Variants in ZNF75D observed in about 807,000 individuals in gnomAD.
ZNF75D encodes the protein zinc finger protein 75D, also known as zinc finger protein 75.
Under a neutral mutation model 33.3 loss-of-function variants are expected in ZNF75D, and 33 were observed. That is an observed-to-expected ratio of 0.99 (90% CI 0.75 to 1.32). ZNF75D has a LOEUF of 1.32. ZNF75D is among the 40% of genes most tolerant of loss of function. ZNF75D has a pLI of 0.00. For missense variants in ZNF75D, 338 were observed against 367.5 expected, an observed-to-expected ratio of 0.92 and a Z score of 0.66; for synonymous variants, 113 against 130.6, an observed-to-expected ratio of 0.87 and a Z score of 0.92.
chrX:135,317,357 C>T (rs2148486039), intron 1 of ZNF75D, among the ~76,000 whole-genome samples: 2 of 111,932 alleles, frequency 1.8e-5, no homozygotes, highest in East Asian at 5.6e-4. Flanking sequence ...CCACTGGTGG[C>T]AGCAGTGGGC....
chrX:135,315,775 G>A (rs782385019), intron 1 of ZNF75D, among the ~76,000 whole-genome samples: 5 of 109,964 alleles, frequency 4.5e-5, no homozygotes, highest in Non-Finnish European at 9.5e-5. Flanking sequence ...TTCCATTAGT[G>A]TGGAATATAC....
chrX:135,253,705 G>C (rs1421844489), intron 2 of ZNF75D: 1 of 236,281 alleles, frequency 4.2e-6, no homozygotes, highest in Non-Finnish European at 7.5e-6. Flanking sequence ...TTAGACCCAG[G>C]GGAGAGGGTG....
intron 1 of ZNF75D, among the ~76,000 whole-genome samples, chrX:135,270,633 C>A (rs191079317): frequency 1.8e-5 from 2 of 108,940 alleles, no homozygotes; most frequent in East Asian, 5.8e-4. Flanking sequence ...TGGAATATTA[C>A]AGCTGGACAT....
chrX:135,263,921 C>T (rs1352633680), intron 1 of ZNF75D, among the ~76,000 whole-genome samples: 2 of 111,959 alleles, frequency 1.8e-5, no homozygotes, highest in African/African-American at 3.2e-5. Context: ...AGCTGCAGAC[C>T]GAAGCTGTTC....
rs782072263 is a variant in ZNF75D at position 135,336,041 on chromosome X, T to C, written c.-391+5727A>G. ...ACTGTGGTTGCTGTCTGAATATTCC[T>C]GTCCCCACATAATTCATATGTTGGA... On this transcript the variant is annotated intron_variant, in intron 1 of 6. Transcript: ENST00000370766. Among the ~76,000 whole-genome samples, 7 of 112,532 alleles carry C rather than the reference T, an allele frequency of 6.2e-5. 1 individual carries two copies. In the South Asian group the frequency reaches 2.6e-3, roughly 42 times the overall value.
At chrX:135,294,321 C>T (rs140860292) in intron 2 of ZNF75D, 63 bp from the exon 3 acceptor site, 14 of 343,944 alleles carry the variant, frequency 4.1e-5, no homozygotes, top group African/African-American at 3.4e-4. Context: ...TATTTACTTG[C>T]TATTTATTGT....
chrX:135,318,945 CA>C (rs2084461102), intron 1 of ZNF75D, among the ~76,000 whole-genome samples: 1 of 112,013 alleles, frequency 8.9e-6, no homozygotes, highest in Non-Finnish European at 1.9e-5. Flanking sequence ...GATATATGGT[CA>C]TGAAAAATGG....
At chrX:135,305,871 CA>C (rs782443890) in intron 1 of ZNF75D, among the ~76,000 whole-genome samples, 6 of 111,712 alleles carry the variant, frequency 5.4e-5, no homozygotes, top group Non-Finnish European at 9.4e-5. Flanking sequence ...ACCATGTGAA[CA>C]AAAGGCACAT....
chrX:135,261,019 A>C (rs2083839164), intron 1 of ZNF75D, among the ~76,000 whole-genome samples: 1 of 112,412 alleles, frequency 8.9e-6, no homozygotes, highest in East Asian at 2.8e-4. Flanking sequence ...TTGGTTTCAA[A>C]GAACATCTTT....
chrX:135,310,606 C>G (rs1556427633), intron 1 of ZNF75D, among the ~76,000 whole-genome samples: 1 of 111,575 alleles, frequency 9.0e-6, no homozygotes, highest in Non-Finnish European at 1.9e-5. Flanking sequence ...TGCAAGCAGT[C>G]CTTCTGTCCC....
At chrX:135,320,292 CAAA>C (rs782354392) in intron 1 of ZNF75D, among the ~76,000 whole-genome samples, 1 of 70,003 alleles carries the variant, frequency 1.4e-5, no homozygotes. Flanking sequence ...GACTCCATCT[CAAA>C]AAAAAAAAAA....
chrX:135,317,599 G>A (rs782623321), intron 1 of ZNF75D, among the ~76,000 whole-genome samples: 37 of 111,098 alleles, frequency 3.3e-4, no homozygotes, highest in African/African-American at 5.2e-4. Context: ...ATGCTGGTAC[G>A]GGCAGTGGTG....
chrX:135,308,768 G>C, intron 1 of ZNF75D, among the ~76,000 whole-genome samples: 1 of 112,004 alleles, frequency 8.9e-6, no homozygotes, highest in Middle Eastern at 4.6e-3. Context: ...TGGAAACTCA[G>C]AAGGATGGGC....
intron 3 of ZNF75D, among the ~76,000 whole-genome samples, chrX:135,250,773 AC>A (rs2083778832): frequency 1.4e-5 from 1 of 71,842 alleles, no homozygotes; most frequent in South Asian, 9.0e-4. Flanking sequence ...TATGCATTTA[AC>A]TTCTCTCAAT....
Position 135,293,843 on chromosome X carries a change from T to C in ZNF75D, c.298A>G (p.Ile100Val), listed in dbSNP as rs782134223. The C allele has an allele frequency of 1.7e-6, 2 of 1,209,944 alleles. No individual in the cohort carries two copies. The highest frequency in any genetic ancestry group is 1.8e-5 in the South Asian group (1 of 56,804). ...CAGTTCTGGGTCTCCTTGGGCAGAA[T>C]GCTCAGGAACTGCTCTAACACCAGC... ...EMLVLEQFLS[I>V]LPKETQNWVQ... The change falls in exon 3 of 7, where the codon ATT (isoleucine) becomes GTT (valine). Residue 100 changes from isoleucine (I) to valine (V), a missense_variant. Physicochemically the swap from Ile to Val is conservative, Grantham distance 29. This residue lies in a region of ZNF75D where 254 missense variants were observed against 267.7 expected (regional missense o/e 0.95). Transcript: ENST00000370766.
intron 1 of ZNF75D, among the ~76,000 whole-genome samples, chrX:135,279,717 T>C (rs1448483567): frequency 8.9e-6 from 1 of 112,025 alleles, no homozygotes; most frequent in South Asian, 3.7e-4. Context: ...AAAGAACTTA[T>C]TTATTTCTAC....
chrX:135,338,912 C>T (rs1185682919), intron 1 of ZNF75D, among the ~76,000 whole-genome samples: 1 of 103,477 alleles, frequency 9.7e-6, no homozygotes, highest in Non-Finnish European at 2.0e-5. Context: ...CCTCATGCCC[C>T]CTTCTCTTCA....
intron 1 of ZNF75D, among the ~76,000 whole-genome samples, chrX:135,305,272 C>G (rs782410031): frequency 1.4e-4 from 16 of 111,620 alleles, no homozygotes; most frequent in Non-Finnish European, 1.7e-4. Context: ...TCTCACAACA[C>G]CCCTACCAGT....
chrX:135,256,733 C>G (rs1390833367), intron 1 of ZNF75D, among the ~76,000 whole-genome samples: 4 of 111,369 alleles, frequency 3.6e-5, no homozygotes, highest in African/African-American at 9.8e-5. Flanking sequence ...AAAACGTCCC[C>G]TTACTTCTGC....
Sources: allele counts gnomAD v4.1 joint callset (sites outside exome capture counted in the v4.1 genomes callset), GRCh38; gene constraint gnomAD v4.1.1; regional missense constraint gnomAD v4.1.1; transcripts MANE v1.5; gene names NCBI Gene and HGNC (gene_info 2026-07-23, HGNC 2026-07-21).